ZFHX3: variants seen among roughly 807,000 people sequenced by gnomAD.
ZFHX3 encodes the protein zinc finger homeobox protein 3.
ZFHX3 carries 42 observed loss-of-function variants against 279.1 expected under a neutral mutation model. That is an observed-to-expected ratio of 0.15 (90% CI 0.12 to 0.19). The LOEUF is 0.19. Ranked by LOEUF, ZFHX3 falls within the 10% of genes least tolerant of loss-of-function variation. ZFHX3 has a pLI of 1.00. For missense variants in ZFHX3, 4,981 were observed against 4,754.0 expected (o/e 1.05, Z -1.40); for synonymous variants, 2,293 against 1,957.8 (o/e 1.17, Z -4.52).
At chr16:73,153,167 C>T (rs2039860300) in intron 5 of ZFHX3, among the ~76,000 whole-genome samples, 1 of 152,192 alleles carries the variant, frequency 6.6e-6, no homozygotes, top group Admixed American at 6.5e-5. Context: ...AGAAAGGGAA[C>T]ATGGAAGCCT....
chr16:73,476,093 T>C (rs2143614152), intron 2 of ZFHX3, among the ~76,000 whole-genome samples: 1 of 152,312 alleles, frequency 6.6e-6, no homozygotes, highest in East Asian at 1.9e-4. Context: ...CTTTCTGTTA[T>C]AGGGATAACG....
intron 1 of ZFHX3, among the ~76,000 whole-genome samples, chr16:73,878,940 G>GATATATATATATAT (rs3082335): frequency 1.1e-3 from 150 of 141,004 alleles, no homozygotes; most frequent in African/African-American, 3.6e-3. Flanking sequence ...AAAAAGATAA[G>GATATATATATATAT]ATATATATAT....
At chr16:72,810,655 A>G (rs2036417842) in intron 7 of ZFHX3, among the ~76,000 whole-genome samples, 1 of 152,202 alleles carries the variant, frequency 6.6e-6, no homozygotes, top group African/African-American at 2.4e-5. Flanking sequence ...CAGTTGTAGC[A>G]ATATCATGTT....
intron 5 of ZFHX3, among the ~76,000 whole-genome samples, chr16:73,160,048 C>T (rs985712527): frequency 6.6e-6 from 1 of 152,216 alleles, no homozygotes; most frequent in Non-Finnish European, 1.5e-5. Flanking sequence ...CAGGCATGAG[C>T]CTCCACGCCC....
intron 2 of ZFHX3, among the ~76,000 whole-genome samples, chr16:73,542,436 C>A (rs937120552): frequency 2.6e-5 from 4 of 152,032 alleles, no homozygotes; most frequent in African/African-American, 9.7e-5. Flanking sequence ...CCATTGTGAC[C>A]ACTTGAATTG....
At chr16:73,640,668 G>A (rs548581378) in intron 2 of ZFHX3, among the ~76,000 whole-genome samples, 3 of 152,252 alleles carry the variant, frequency 2.0e-5, no homozygotes, top group Admixed American at 6.5e-5. Flanking sequence ...AAAGGCAATA[G>A]AGGAGAAAAG....
At chr16:73,490,230 T>C (rs961414584) in intron 2 of ZFHX3, among the ~76,000 whole-genome samples, 1 of 152,232 alleles carries the variant, frequency 6.6e-6, no homozygotes, top group Non-Finnish European at 1.5e-5. Flanking sequence ...CTGCTTCATC[T>C]ACTGAGACAT....
At chr16:73,799,272 C>G (rs1960079136) in intron 1 of ZFHX3, among the ~76,000 whole-genome samples, 1 of 152,152 alleles carries the variant, frequency 6.6e-6, no homozygotes, top group Admixed American at 6.5e-5. Context: ...TATGTAATAT[C>G]TATAAAAGTG....
intron 1 of ZFHX3, among the ~76,000 whole-genome samples, chr16:73,773,186 G>A (rs2054038430): frequency 6.6e-6 from 1 of 152,192 alleles, no homozygotes; most frequent in Admixed American, 6.5e-5. Flanking sequence ...AATGCTCAAT[G>A]GCCACAGTGG....
At chr16:73,218,262 G>A (rs2012283925) in intron 5 of ZFHX3, among the ~76,000 whole-genome samples, 1 of 152,124 alleles carries the variant, frequency 6.6e-6, no homozygotes, top group Non-Finnish European at 1.5e-5. Flanking sequence ...TTTTCATTCA[G>A]GTTCAGTTTG....
intron 2 of ZFHX3, among the ~76,000 whole-genome samples, chr16:73,626,673 T>C (rs1004179335): frequency 2.0e-5 from 3 of 152,106 alleles, no homozygotes; most frequent in East Asian, 1.9e-4. Flanking sequence ...CCTCTTTCCA[T>C]CTGCCAAACA....
chr16:73,062,878 T>C (rs141910532), upstream of ZFHX3, among the ~76,000 whole-genome samples: 49 of 152,314 alleles, frequency 3.2e-4, no homozygotes, highest in Admixed American at 3.0e-3. Context: ...TCTAAGTCTA[T>C]TGTATGTACG....
chr16:73,683,376 C>T (rs549381000), intron 1 of ZFHX3, among the ~76,000 whole-genome samples: 11 of 152,216 alleles, frequency 7.2e-5, no homozygotes, highest in South Asian at 2.1e-4. Flanking sequence ...CCTTAAGCCA[C>T]GAGATAACCT....
In ZFHX3 at chr16:72,959,890, C is replaced by A. The variant is rs1311981463; in HGVS notation, c.256G>T (p.Ala86Ser). 1 of 1,602,856 alleles carries A rather than the reference C, an allele frequency of 6.2e-7. No individual in the cohort carries two copies. The highest frequency in any genetic ancestry group is 8.5e-7 in the Non-Finnish European group (1 of 1,173,482). Residue 86 changes from alanine (A) to serine (S), a missense_variant, in exon 2 of 10, where the codon GCC becomes TCC. By Grantham distance (99) the Ala-to-Ser change is moderately conservative. Around this residue, in one of 7 missense-constraint regions of ZFHX3, gnomAD observed 1,068 missense variants for 935.2 expected, o/e 1.14. Coordinates refer to ENST00000268489, the MANE Select transcript of ZFHX3 (RefSeq NM_006885.4). ...SKEVTCNECS[A>S]SFASLQTYME... Reference sequence around the variant, plus strand: ...TAGGTCTGGAGGCTGGCAAAGGAGGCCGAACATTCGTTGCAGGTGACCTCC... The same window carrying A: ...TAGGTCTGGAGGCTGGCAAAGGAGGACGAACATTCGTTGCAGGTGACCTCC...
intron 2 of ZFHX3, among the ~76,000 whole-genome samples, chr16:73,603,429 A>G (rs540998329): frequency 6.6e-6 from 1 of 152,342 alleles, no homozygotes; most frequent in Non-Finnish European, 1.5e-5. Flanking sequence ...TGTAATTAAG[A>G]CATTGAGGCA....
At chr16:73,242,299 G>A (rs1438192312) in intron 5 of ZFHX3, among the ~76,000 whole-genome samples, 1 of 152,084 alleles carries the variant, frequency 6.6e-6, no homozygotes, top group Non-Finnish European at 1.5e-5. Flanking sequence ...GTAGGGTCCT[G>A]GTGCCTAGAT....
intron 7 of ZFHX3, 35 bp downstream of exon 7, chr16:72,811,541 AG>A: frequency 2.0e-6 from 3 of 1,527,894 alleles, no homozygotes; most frequent in Non-Finnish European, 1.8e-6. Flanking sequence ...TTGACCCTGG[AG>A]AAAGACCACA....
At position 72,920,683 on chromosome 16, in the gene ZFHX3, A is replaced by T. The variant is rs570835137; in HGVS notation, c.3216+29786T>A. Among the ~76,000 whole-genome samples the T allele has an allele frequency of 2.1e-3, 325 of 151,574 alleles. 2 individuals carry two copies. Among genetic ancestry groups the T allele is most frequent in the African/African-American group, 5.9e-3 (244 of 41,368 alleles). On this transcript the variant is annotated intron_variant, in intron 3 of 9. Coordinates refer to ENST00000268489, the MANE Select transcript of ZFHX3 (RefSeq NM_006885.4). ...GAAAGTTCGTCTCAAAAAAAAAATT[A>T]AAAAAAAACACACCTAGAGGAAAAA...
At chr16:73,186,642 A>G (rs938577296) in intron 5 of ZFHX3, among the ~76,000 whole-genome samples, 8 of 151,654 alleles carry the variant, frequency 5.3e-5, no homozygotes, top group Non-Finnish European at 1.2e-4. Context: ...CATGAAAAAC[A>G]TATCTTTTAA....
Sources: gnomAD v4.1 joint callset for allele counts (sites outside exome capture counted in the v4.1 genomes callset) on GRCh38, gnomAD v4.1.1 for gene constraint, gnomAD v4.1.1 regional missense constraint, MANE v1.5 for transcripts, NCBI Gene and HGNC (gene_info 2026-07-23, HGNC 2026-07-21) for gene names.